The following GOLGA2 variants were observed in gnomAD, a reference collection of about 807,000 sequenced individuals.
The protein encoded by GOLGA2 is golgin subfamily A member 2.
GOLGA2 carries 49 observed loss-of-function variants against 148.8 expected under a neutral mutation model. That is an observed-to-expected ratio of 0.33 (90% CI 0.26 to 0.42). GOLGA2 has a LOEUF of 0.42. Ranked by LOEUF, GOLGA2 falls within the 10% of genes least tolerant of loss-of-function variation. GOLGA2 has a pLI of 1.00. For missense variants in GOLGA2, 1,178 were observed against 1,304.6 expected (o/e 0.90, Z 1.49); for synonymous variants, 501 against 511.8 (o/e 0.98, Z 0.28).
intron 1 of GOLGA2, among the ~76,000 whole-genome samples, chr9:128,275,165 T>G (rs1392823700): frequency 1.3e-5 from 2 of 152,126 alleles, no homozygotes; most frequent in African/African-American, 4.8e-5. Flanking sequence ...ATGTCTATGT[T>G]AAGGGTGTAA....
At chr9:128,262,782 C>G in intron 13 of GOLGA2, 78 bp from the exon 14 acceptor site, 5 of 1,358,918 alleles carry the variant, frequency 3.7e-6, no homozygotes, top group Non-Finnish European at 5.1e-6. Flanking sequence ...TCTACCCTTG[C>G]CCCACAACCA....
chr9:128,266,351 G>A lies in GOLGA2; in HGVS notation c.643-26C>T, dbSNP rs1830597342. The A allele has an allele frequency of 6.2e-7, 1 of 1,607,012 alleles. No individual in the cohort carries two copies. Among genetic ancestry groups the A allele is most frequent in the African/African-American group, 1.3e-5 (1 of 74,844 alleles). On this transcript the variant is annotated intron_variant, in intron 8 of 26. Transcript: ENST00000611957. This position sits in a 1 kb window ranked among gnomAD's most constrained non-coding sequence, Gnocchi z 4.2. The stretch of plus-strand genomic sequence containing the variant: ...CTGTGGGGAAGAGTCAAAGGAAGGT[G>A]ACTGAGGGTGGCCCCCTCAACTCTA...
intron 12 of GOLGA2, among the ~76,000 whole-genome samples, chr9:128,264,155 ACTC>A (rs1830449468): frequency 1.3e-5 from 2 of 149,512 alleles, no homozygotes; most frequent in African/African-American, 4.9e-5. Flanking sequence ...ACAGAGTGAG[ACTC>A]CGTCTCAAAA....
In GOLGA2 at chr9:128,266,522, C is replaced by T. The variant is rs1386042544; in HGVS notation, c.643-197G>A. Reference sequence around the variant, plus strand: ...TGTCTTTGTTGGTTTTTGCCCACAGCCACAGAACTGAAAGTCTGAATCTCG... The same window carrying T: ...TGTCTTTGTTGGTTTTTGCCCACAGTCACAGAACTGAAAGTCTGAATCTCG... On this transcript the variant is annotated intron_variant, in intron 8 of 26. Transcript: ENST00000611957. This position sits in a 1 kb window ranked among gnomAD's most constrained non-coding sequence, Gnocchi z 4.2. 4.9e-6 allele frequency: 3 copies of T among 607,304 alleles called. No homozygotes were observed. In the African/African-American group the frequency reaches 5.6e-5, roughly 11 times the overall value. 37.6% of individuals were successfully genotyped at this position (607,304 alleles called of 1,614,324 possible).
In GOLGA2 at chr9:128,266,282, G is replaced by A. The variant is rs776787027; in HGVS notation, c.681+5C>T. 1.4e-5 allele frequency: 23 copies of A among 1,610,424 alleles called. No individual in the cohort carries two copies. Among genetic ancestry groups the A allele is most frequent in the Admixed American group, 8.3e-5 (5 of 59,996 alleles). ...TGTTGTGAGCAAACAAAGAAATCAC[G>A]TTACTTCTTCCAACTGATCCGTAAT... is the stretch of plus-strand genomic sequence containing the variant. On this transcript the variant is annotated splice_donor_5th_base_variant and intron_variant, in intron 9 of 26. Transcript: ENST00000611957. The surrounding 1 kb of genome is among the most constrained non-coding windows in gnomAD (Gnocchi z 4.2).
chr9:128,265,826 G>A lies in GOLGA2; in HGVS notation c.788C>T (p.Ala263Val), dbSNP rs1165135123. The change falls in exon 11 of 27, where the codon GCC (alanine) becomes GTC (valine). Residue 263 changes from alanine to valine, a missense_variant. By Grantham distance (64) the Ala-to-Val change is moderately conservative. Around this residue, in one of 5 missense-constraint regions of GOLGA2, gnomAD observed 304 missense variants for 404.1 expected, o/e 0.75. Transcript: ENST00000611957. Reference protein sequence around the residue: ...LVSEKAELQTALAHTQHAARQ... With the variant: ...LVSEKAELQTVLAHTQHAARQ... ...GGCAGCATGCTGAGTGTGAGCCAGG[G>A]CTGTCTGTAACTCAGCTTTCTCTGA... 6.2e-7 allele frequency: 1 copy of A among 1,613,834 alleles called. No individual in the cohort carries two copies.
Position 128,276,002 on chromosome 9 carries a change from G to A in GOLGA2, c.-26C>T. 1 of 1,596,240 alleles carries A rather than the reference G, an allele frequency of 6.3e-7. No individual in the cohort carries two copies. Among genetic ancestry groups the A allele is most frequent in the Non-Finnish European group, 8.6e-7 (1 of 1,168,626 alleles). ...CAGCGCGATCCCGGCAACCACTGCG[G>A]AAGTCAGTCAGCCACCGCGCAGCTG... On this transcript the variant is annotated 5_prime_UTR_variant, in exon 1 of 27. Transcript: ENST00000611957.
Position 128,260,687 on chromosome 9 carries a change from G to T in GOLGA2, c.1536C>A (p.Ala512=). 1.2e-6 allele frequency: 2 copies of T among 1,613,412 alleles called. No homozygotes were observed. Among genetic ancestry groups the T allele is most frequent in the Non-Finnish European group, 1.7e-6 (2 of 1,179,974 alleles). The part of the protein sequence containing the change: ...ELEGLAGQLQ[A]QVQDNEGLSR... The stretch of plus-strand genomic sequence containing the variant: ...TCAAGCCCTCATTGTCTTGCACCTG[G>T]GCTTGAAGCTGTCCTGCCAGACCCT... The change falls in exon 18 of 27, where the codon GCC becomes GCA. Residue 512 remains alanine, a synonymous_variant. Transcript: ENST00000611957. This position sits in a 1 kb window ranked among gnomAD's most constrained non-coding sequence, Gnocchi z 4.8.
In GOLGA2 at chr9:128,261,307, G is replaced by T; in HGVS notation, c.1333-48C>A. 1 of 1,466,166 alleles carries T rather than the reference G, an allele frequency of 6.8e-7. No homozygotes were observed. The highest frequency in any genetic ancestry group is 9.6e-7 in the Non-Finnish European group (1 of 1,045,956). 90.8% of individuals were successfully genotyped at this position (1,466,166 alleles called of 1,614,324 possible). On this transcript the variant is annotated intron_variant, in intron 16 of 26. Transcript: ENST00000611957. This position sits in a 1 kb window ranked among gnomAD's most constrained non-coding sequence, Gnocchi z 5.7. ...GGGCCCTGGAGAGGGGCTGGTGGCT[G>T]GACAGGCTACCATCTCCCTCTGCCC...
At position 128,263,121 on chromosome 9, in the gene GOLGA2, T is replaced by C. The variant is rs139088115; in HGVS notation, c.934-29A>G. 1.6e-4 allele frequency: 240 copies of C among 1,510,932 alleles called. No individual in the cohort carries two copies. In the African/African-American group the frequency reaches 2.9e-3, roughly 19 times the overall value. 93.6% of individuals were successfully genotyped at this position (1,510,932 alleles called of 1,614,324 possible). A position where few individuals can be genotyped will look rare whatever the true frequency, so the allele number is the denominator to read the frequency against. Reference sequence around the variant, plus strand: ...TAAATACAGAAAGGTTAAGTCAGGATATAGCAGGCAGAGGAGCAGCTGGCC... The same window carrying C: ...TAAATACAGAAAGGTTAAGTCAGGACATAGCAGGCAGAGGAGCAGCTGGCC... On this transcript the variant is annotated intron_variant, in intron 12 of 26. Coordinates refer to ENST00000611957, the MANE Select transcript of GOLGA2 (RefSeq NM_001366244.2).
intron 14 of GOLGA2, 150 bp downstream of exon 14, chr9:128,262,413 A>G: frequency 1.7e-6 from 1 of 593,928 alleles, no homozygotes; most frequent in Non-Finnish European, 2.9e-6. Flanking sequence ...GTAGATTTTT[A>G]GCACTCTCTA....
rs544394204 is a variant in GOLGA2 at position 128,260,793 on chromosome 9, G to A, written c.1430C>T (p.Pro477Leu). ...GGGCCCTGCTGGGGGCTCTGGGGGC[G>A]GGGGTTCAGCTGAGAAAGGACGCAG... ...AELRNQMAEPPPPEPPAGPSE... is the reference protein window; with the variant it reads ...AELRNQMAEPLPPEPPAGPSE... Residue 477 changes from proline to leucine, a missense_variant, in exon 18 of 27, where the codon CCG becomes CTG. Physicochemically the swap from Pro to Leu is moderately conservative, Grantham distance 98. Coordinates refer to ENST00000611957, the MANE Select transcript of GOLGA2 (RefSeq NM_001366244.2). This position sits in a 1 kb window ranked among gnomAD's most constrained non-coding sequence, Gnocchi z 4.8. 83 of 1,603,426 alleles carry A rather than the reference G, an allele frequency of 5.2e-5. No individual in the cohort carries two copies. In the Admixed American group the frequency reaches 5.5e-4, roughly 11 times the overall value.
At position 128,257,607 on chromosome 9, in the gene GOLGA2, C is replaced by T. The variant is rs369716992; in HGVS notation, c.2712G>A (p.Glu904=). 39 of 1,614,052 alleles carry T rather than the reference C, an allele frequency of 2.4e-5. No individual in the cohort carries two copies. Among genetic ancestry groups the T allele is most frequent in the Non-Finnish European group, 2.8e-5 (33 of 1,180,014 alleles). The change falls in exon 25 of 27, where the codon GAG becomes GAA. Residue 904 remains glutamate, a synonymous_variant. Coordinates refer to ENST00000611957, the MANE Select transcript of GOLGA2 (RefSeq NM_001366244.2). This position sits in a 1 kb window ranked among gnomAD's most constrained non-coding sequence, Gnocchi z 8.0. ...YISRLAQDKE[E]MKVKLLELQE... ...GAGATGTTCCACACCCTACCTTCAT[C>T]TCCTCCTTGTCTTGGGCCAGCCTGC...
At chr9:128,267,897 C>T in intron 6 of GOLGA2, 37 bp downstream of exon 6, 1 of 1,473,720 alleles carries the variant, frequency 6.8e-7, no homozygotes, top group Non-Finnish European at 9.5e-7. Flanking sequence ...TAGTTCCCTT[C>T]CCCCCACCCC....
Position 128,260,363 on chromosome 9 carries a change from T to C in GOLGA2, c.1758+102A>G, listed in dbSNP as rs1386945890. 1 of 1,124,326 alleles carries C rather than the reference T, an allele frequency of 8.9e-7. No individual in the cohort carries two copies. The highest frequency in any genetic ancestry group is 1.3e-6 in the Non-Finnish European group (1 of 755,068). The allele number at this position is 1,124,326 out of a possible 1,614,324, so 69.6% of individuals were successfully genotyped here. On this transcript the variant is annotated intron_variant, in intron 18 of 26. Transcript: ENST00000611957. This position sits in a 1 kb window ranked among gnomAD's most constrained non-coding sequence, Gnocchi z 4.8. ...TCTGGCTCACAGATGCCTCCAGAAGTACCATTTCAAGTGAGGGCTACACTG... is the reference window on the plus strand; with the variant it reads ...TCTGGCTCACAGATGCCTCCAGAAGCACCATTTCAAGTGAGGGCTACACTG...
Position 128,257,472 on chromosome 9 carries a change from G to A in GOLGA2, c.2772C>T (p.Asn924=), listed in dbSNP as rs764702804. 1.2e-5 allele frequency: 20 copies of A among 1,613,186 alleles called. No individual in the cohort carries two copies. Among genetic ancestry groups the A allele is most frequent in the African/African-American group, 2.7e-5 (2 of 74,858 alleles). ...CTGCCAGGAATCTGCCATGCCACTC[G>A]TTGCGGTCGCCCACAAGCCGTAAGA... The part of the protein sequence containing the change: ...ELVLRLVGDR[N]EWHGRFLAAA... The change falls in exon 26 of 27, where the codon AAC becomes AAT. Residue 924 remains asparagine (N), a synonymous_variant. Transcript: ENST00000611957. This position sits in a 1 kb window ranked among gnomAD's most constrained non-coding sequence, Gnocchi z 8.0.
At position 128,275,989 on chromosome 9, in the gene GOLGA2, G is replaced by C. The variant is rs1370078406; in HGVS notation, c.-13C>G. On this transcript the variant is annotated 5_prime_UTR_variant, in exon 1 of 27. Coordinates refer to ENST00000611957, the MANE Select transcript of GOLGA2 (RefSeq NM_001366244.2). ...GTTGGGGCCACATCAGCGCGATCCCGGCAACCACTGCGGAAGTCAGTCAGC... is the reference window on the plus strand; with the variant it reads ...GTTGGGGCCACATCAGCGCGATCCCCGCAACCACTGCGGAAGTCAGTCAGC... 1 of 1,598,218 alleles carries C rather than the reference G, an allele frequency of 6.3e-7. No individual in the cohort carries two copies. Among genetic ancestry groups the C allele is most frequent in the South Asian group, 1.1e-5 (1 of 90,536 alleles).
chr9:128,258,243 G>C lies in GOLGA2; in HGVS notation c.2290-45C>G. The C allele has an allele frequency of 7.0e-7, 1 of 1,438,848 alleles. No homozygotes were observed. The highest frequency in any genetic ancestry group is 9.5e-7 in the Non-Finnish European group (1 of 1,050,616). 89.1% of individuals were successfully genotyped at this position (1,438,848 alleles called of 1,614,324 possible). A position where few individuals can be genotyped will look rare whatever the true frequency, so the allele number is the denominator to read the frequency against. ...ATTCTTGTAGGAGGATATATAGGAT[G>C]AACAGGGCAGGGAGGTAGAGAGCAG... On this transcript the variant is annotated intron_variant, in intron 22 of 26. Transcript: ENST00000611957. This position sits in a 1 kb window ranked among gnomAD's most constrained non-coding sequence, Gnocchi z 6.6.
In GOLGA2 at chr9:128,261,388, G is replaced by T; in HGVS notation, c.1332+66C>A. Reference sequence around the variant, plus strand: ...CCTCTGGCTGTGCTCCTCCCATTTCGCAGATGCCCAGAAAGATCAAGTGAC... The same window carrying T: ...CCTCTGGCTGTGCTCCTCCCATTTCTCAGATGCCCAGAAAGATCAAGTGAC... On this transcript the variant is annotated intron_variant, in intron 16 of 26. Coordinates refer to ENST00000611957, the MANE Select transcript of GOLGA2 (RefSeq NM_001366244.2). The surrounding 1 kb of genome is among the most constrained non-coding windows in gnomAD (Gnocchi z 5.7). 8.1e-7 allele frequency: 1 copy of T among 1,230,930 alleles called. No homozygotes were observed. Among genetic ancestry groups the T allele is most frequent in the Non-Finnish European group, 1.2e-6 (1 of 830,710 alleles). The allele number at this position is 1,230,930 out of a possible 1,614,324, so 76.3% of individuals were successfully genotyped here.
Sources: gnomAD v4.1 joint callset for allele counts (sites outside exome capture counted in the v4.1 genomes callset) on GRCh38, gnomAD v4.1.1 for gene constraint, gnomAD v4.1.1 regional missense constraint, Gnocchi (gnomAD v3.1) non-coding constraint, MANE v1.5 for transcripts, NCBI Gene and HGNC (gene_info 2026-07-23, HGNC 2026-07-21) for gene names.